The following THSD8 variants were observed in gnomAD, a reference collection of about 807,000 sequenced individuals.
The protein encoded by THSD8 is thrombospondin type-1 domain-containing protein 8.
At chr19:12,802,643 C>A (rs1375150884) in intron 1 of THSD8, among the ~76,000 whole-genome samples, 1 of 152,032 alleles carries the variant, frequency 6.6e-6, no homozygotes, top group East Asian at 1.9e-4. Flanking sequence ...TAGCAAATGC[C>A]AAGGTGAAAA....
chr19:12,802,841 G>C lies in THSD8; in HGVS notation c.148+622G>C, dbSNP rs745708075. Among the ~76,000 whole-genome samples the C allele has an allele frequency of 4.9e-4, 74 of 152,178 alleles. 3 individuals carry two copies. The highest frequency in any genetic ancestry group is 3.4e-3 in the Middle Eastern group (1 of 294). ...TTAAAGTGATCACAGTGGCCGGCGC[G>C]GTAGCTCACGCCTATAATCCTAGCA... is the stretch of plus-strand genomic sequence containing the variant. On this transcript the variant is annotated intron_variant, in intron 1 of 1. Transcript: ENST00000639810.
At chr19:12,803,981 C>T (rs560766839) in intron 1 of THSD8, 123 bp from the exon 2 acceptor site, 84 of 290,458 alleles carry the variant, frequency 2.9e-4, no homozygotes, top group Middle Eastern at 1.0e-3. Context: ...GGCATAGAAG[C>T]AGAGTCTAGC....
rs138421549 is a variant in THSD8, at chr19:12,804,327, G to T, written c.*24G>T. On this transcript the variant is annotated 3_prime_UTR_variant, in exon 2 of 2. Transcript: ENST00000639810. ...GAGCCCGGGTGAGAGAGCAGGGCCGGGGCAAGTTGCGGGGCCCAGGGTGGG... is the reference window on the plus strand; with the variant it reads ...GAGCCCGGGTGAGAGAGCAGGGCCGTGGCAAGTTGCGGGGCCCAGGGTGGG... 9,376 of 398,606 alleles carry T rather than the reference G, an allele frequency of 0.024. 155 individuals are homozygous for T. Among genetic ancestry groups the T allele is most frequent in the Non-Finnish European group, 0.032 (7,191 of 226,050 alleles). 24.7% of individuals were successfully genotyped at this position (398,606 alleles called of 1,614,324 possible). A position where few individuals can be genotyped will look rare whatever the true frequency, so the allele number is the denominator to read the frequency against.
chr19:12,804,206 C>G lies in THSD8; in HGVS notation c.251C>G (p.Pro84Arg), dbSNP rs1040402033. ...SREVVGTAPGPVFMDPEKLIQ... is the reference protein window; with the variant it reads ...SREVVGTAPGRVFMDPEKLIQ... ...GAGGTAGTGGGCACAGCGCCGGGCC[C>G]GGTTTTCATGGACCCGGAGAAGCTG... Residue 84 changes from proline to arginine, a missense_variant, in exon 2 of 2, where the codon CCG becomes CGG. Coordinates refer to ENST00000639810, the MANE Select transcript of THSD8 (RefSeq NM_001386800.1). 30 of 398,580 alleles carry G rather than the reference C, an allele frequency of 7.5e-5. No individual in the cohort carries two copies. Among genetic ancestry groups the G allele is most frequent in the African/African-American group, 4.3e-4 (21 of 48,718 alleles). The allele number at this position is 398,580 out of a possible 1,614,324, so 24.7% of individuals were successfully genotyped here. A position where few individuals can be genotyped will look rare whatever the true frequency, so the allele number is the denominator to read the frequency against.
intron 1 of THSD8, among the ~76,000 whole-genome samples, chr19:12,803,670 G>A (rs1213022610): frequency 6.6e-6 from 1 of 152,068 alleles, no homozygotes; most frequent in African/African-American, 2.4e-5. Context: ...CAGCACTTTG[G>A]GAGGCTGAGA....
chr19:12,802,119 G>A lies in THSD8; in HGVS notation c.48G>A (p.Leu16=). Residue 16 remains leucine, a synonymous_variant, in exon 1 of 2, where the codon CTG becomes CTA. Transcript: ENST00000639810. ...TGCTGCTGGCGCCTCTGCTACTCCTGCAGCTGGCGACCCCTGCCCTGGTCT... is the reference window on the plus strand; with the variant it reads ...TGCTGCTGGCGCCTCTGCTACTCCTACAGCTGGCGACCCCTGCCCTGGTCT... The part of the protein sequence containing the change: ...GALLLAPLLL[L]QLATPALVYQ... The A allele has an allele frequency of 5.0e-6, 2 of 398,728 alleles. No homozygotes were observed. The highest frequency in any genetic ancestry group is 8.8e-5 in the Admixed American group (2 of 22,736). The allele number at this position is 398,728 out of a possible 1,614,324, so 24.7% of individuals were successfully genotyped here. A position where few individuals can be genotyped will look rare whatever the true frequency, so the allele number is the denominator to read the frequency against.
chr19:12,803,307 A>G (rs930423282), intron 1 of THSD8, among the ~76,000 whole-genome samples: 1 of 152,216 alleles, frequency 6.6e-6, no homozygotes, highest in African/African-American at 2.4e-5. Flanking sequence ...ATTGGTTTGT[A>G]TATGCTAGCA....
Sources: gnomAD v4.1 joint callset for allele counts (sites outside exome capture counted in the v4.1 genomes callset) on GRCh38, gnomAD v4.1.1 for gene constraint, MANE v1.5 for transcripts, NCBI Gene and HGNC (gene_info 2026-07-23, HGNC 2026-07-21) for gene names.